Variants in ADCY9 observed in about 807,000 individuals in gnomAD.
ADCY9 encodes the protein adenylate cyclase type 9.
ADCY9 carries 50 observed loss-of-function variants against 101.5 expected under a neutral mutation model. That is an observed-to-expected ratio of 0.49 (90% confidence interval 0.39 to 0.62). The LOEUF is 0.62. Ranked by LOEUF, ADCY9 falls within the 20% of genes least tolerant of loss-of-function variation. ADCY9 has a pLI of 0.00. For missense variants in ADCY9, 1,662 were observed against 1,800.4 expected, an observed-to-expected ratio of 0.92 and a Z score of 1.39; for synonymous variants, 905 against 769.3, an observed-to-expected ratio of 1.18 and a Z score of -2.92.
chr16:4,032,328 G>C lies in ADCY9; in HGVS notation c.1694-24770C>G, dbSNP rs183464102. Among the ~76,000 whole-genome samples the C allele has an allele frequency of 5.6e-3, 856 of 151,850 alleles. 12 individuals are homozygous for C. The highest frequency in any genetic ancestry group is 0.02 in the African/African-American group (812 of 41,444). The stretch of plus-strand genomic sequence containing the variant: ...AGAACGAAAGAAAGAAAACCAAGAA[G>C]AGCAGAGACGGGACCACCAGGAATG... On this transcript the variant is annotated intron_variant, in intron 2 of 10. Transcript: ENST00000294016.
chr16:4,098,293 T>C (rs1447792710), intron 2 of ADCY9, among the ~76,000 whole-genome samples: 3 of 151,882 alleles, frequency 2.0e-5, no homozygotes, highest in Non-Finnish European at 4.4e-5. Flanking sequence ...CAGGCTGGAA[T>C]GTAGTGGTGC....
chr16:3,973,134 G>C (rs1333030825), intron 10 of ADCY9, among the ~76,000 whole-genome samples: 1 of 152,092 alleles, frequency 6.6e-6, no homozygotes. Context: ...TTTAACAGTT[G>C]TATTATTTGA....
chr16:3,966,345 G>T lies in ADCY9; in HGVS notation c.3492C>A (p.Arg1164=). 6.2e-7 allele frequency: 1 copy of T among 1,613,982 alleles called. No homozygotes were observed. The highest frequency in any genetic ancestry group is 2.2e-5 in the East Asian group (1 of 44,880). The part of the protein sequence containing the change: ...NNMLWFNFKL[R]VGFNHGPLTA... ...TGAGGGGCCCATGGTTGAAGCCGAC[G>T]CGGAGCTTGAAGTTGAACCACAGCA... The change falls in exon 11 of 11, where the codon CGC becomes CGA. Residue 1164 remains arginine (R), a synonymous_variant. Transcript: ENST00000294016.
Position 4,115,194 on chromosome 16 carries a change from G to A in ADCY9, c.249C>T (p.Phe83=). ...CCCACCAGCGGCTGGAGGCCCTCTC[G>A]AACAGCTGGGGCAGCTTCTTCTGCC... ...LRRQKKLPQL[F]ERASSRWWDP... Residue 83 remains phenylalanine, a synonymous_variant, in exon 2 of 11, where the codon TTC becomes TTT. Coordinates refer to ENST00000294016, the MANE Select transcript of ADCY9 (RefSeq NM_001116.4). This position sits in a 1 kb window ranked among gnomAD's most constrained non-coding sequence, Gnocchi z 6.2. 9 of 1,613,634 alleles carry A rather than the reference G, an allele frequency of 5.6e-6. No individual in the cohort carries two copies. The highest frequency in any genetic ancestry group is 1.1e-5 in the South Asian group (1 of 91,078).
chr16:4,115,340 T>A lies in ADCY9; in HGVS notation c.103A>T (p.Lys35Ter). 6.2e-7 allele frequency: 1 copy of A among 1,613,274 alleles called. No homozygotes were observed. Among genetic ancestry groups the A allele is most frequent in the South Asian group, 1.1e-5 (1 of 90,970 alleles). Residue 35 changes from lysine to a stop codon, truncating the protein, a stop_gained, in exon 2 of 11, where the codon AAG becomes TAG. Transcript: ENST00000294016. LOFTEE classifies it high-confidence loss of function. This position sits in a 1 kb window ranked among gnomAD's most constrained non-coding sequence, Gnocchi z 6.2. ...SNSVRVKINPKQLSSNSHPKH... is the reference protein window; with the variant it reads ...SNSVRVKINP ...GGGTGGCTGTTGGAGGACAGCTGCT[T>A]GGGGTTGATCTTGACGCGCACGCTG...
chr16:4,024,989 G>T (rs1035882508), intron 2 of ADCY9, among the ~76,000 whole-genome samples: 1 of 151,978 alleles, frequency 6.6e-6, no homozygotes, highest in Non-Finnish European at 1.5e-5. Flanking sequence ...AGGTGGGGAG[G>T]CCTGGGAAGC....
intron 2 of ADCY9, among the ~76,000 whole-genome samples, chr16:4,070,067 C>T (rs2056824099): frequency 6.6e-6 from 1 of 152,096 alleles, no homozygotes. Context: ...TACTGCACTC[C>T]AGCCTCGGCA....
chr16:4,018,805 A>G (rs905115862), intron 2 of ADCY9, among the ~76,000 whole-genome samples: 1 of 152,162 alleles, frequency 6.6e-6, no homozygotes, highest in African/African-American at 2.4e-5. Context: ...TGTTCGAGTC[A>G]TCTAACGGAG....
At chr16:4,076,338 G>A (rs1265816139) in intron 2 of ADCY9, among the ~76,000 whole-genome samples, 1 of 152,180 alleles carries the variant, frequency 6.6e-6, no homozygotes, top group East Asian at 1.9e-4. Context: ...CAGGACTGAT[G>A]GTGGCAAATC....
intron 2 of ADCY9, among the ~76,000 whole-genome samples, chr16:4,051,352 C>T (rs1002693779): frequency 6.6e-6 from 1 of 151,884 alleles, no homozygotes; most frequent in Admixed American, 6.6e-5. Context: ...AGTGAAACCC[C>T]GTCTCTACTA....
chr16:4,072,539 C>G (rs1456705238), intron 2 of ADCY9, among the ~76,000 whole-genome samples: 1 of 152,108 alleles, frequency 6.6e-6, no homozygotes, highest in Non-Finnish European at 1.5e-5. Flanking sequence ...CGCTGCAGCC[C>G]CAGTTCACAG....
intron 2 of ADCY9, among the ~76,000 whole-genome samples, chr16:4,095,800 A>T (rs1207690166): frequency 3.3e-5 from 5 of 151,876 alleles, no homozygotes; most frequent in Non-Finnish European, 5.9e-5. Context: ...AACATGATGA[A>T]ACCCCATCTC....
In ADCY9 at chr16:3,977,466, A is replaced by T; in HGVS notation, c.2828+16T>A. On this transcript the variant is annotated intron_variant, in intron 9 of 10. Transcript: ENST00000294016. ...GCCACGCACCCTGGTGCCCGCAAGC[A>T]GTGCTGGCCGCGTACCTGTCTGGGC... 6.5e-7 allele frequency: 1 copy of T among 1,547,790 alleles called. No individual in the cohort carries two copies. The highest frequency in any genetic ancestry group is 8.7e-7 in the Non-Finnish European group (1 of 1,144,360).
chr16:4,106,757 T>C (rs933131189), intron 2 of ADCY9, among the ~76,000 whole-genome samples: 1 of 152,152 alleles, frequency 6.6e-6, no homozygotes, highest in Admixed American at 6.5e-5. Context: ...CATGGACAGA[T>C]TAATGTGGGT....
At chr16:4,022,649 C>A (rs1224094041) in intron 2 of ADCY9, among the ~76,000 whole-genome samples, 5 of 151,768 alleles carry the variant, frequency 3.3e-5, no homozygotes, top group Non-Finnish European at 7.4e-5. Flanking sequence ...AGAAAATAGG[C>A]CAGAGCCAGT....
Position 3,965,836 on chromosome 16 carries a change from TCA to T in ADCY9, c.3999_4000del (p.Cys1333Ter). The T allele has an allele frequency of 1.7e-5, 28 of 1,614,174 alleles. No homozygotes were observed. Among genetic ancestry groups the T allele is most frequent in the Non-Finnish European group, 2.4e-5 (28 of 1,180,040 alleles). On this transcript the variant is annotated stop_gained and frameshift_variant, in exon 11 of 11. Coordinates refer to ENST00000294016, the MANE Select transcript of ADCY9 (RefSeq NM_001116.4). LOFTEE classifies it high-confidence loss of function. Reference sequence around the variant, plus strand: ...GTTGGCTTCTTCTATTCCTGTTTCGTCACAGTCGTCTTTCTCTATGGCTTTGC... The same window carrying T: ...GTTGGCTTCTTCTATTCCTGTTTCGTCAGTCGTCTTTCTCTATGGCTTTGC...
In ADCY9 at chr16:4,051,646, C is replaced by T. The variant is rs145436758; in HGVS notation, c.1694-44088G>A. Reference sequence around the variant, plus strand: ...GCCAAATCTGGGACAATCTGGGTATCGAAGCAAATGATAATGGTAATGAAT... The same window carrying T: ...GCCAAATCTGGGACAATCTGGGTATTGAAGCAAATGATAATGGTAATGAAT... On this transcript the variant is annotated intron_variant, in intron 2 of 10. Transcript: ENST00000294016. Among the ~76,000 whole-genome samples the T allele has an allele frequency of 3.9e-5, 6 of 152,098 alleles. No homozygotes were observed. The East Asian group carries it at 1.2e-3, about 29-fold the overall frequency.
intron 2 of ADCY9, among the ~76,000 whole-genome samples, chr16:4,077,060 AG>A (rs752652661): frequency 7.6e-4 from 107 of 140,348 alleles, no homozygotes; most frequent in Non-Finnish European, 1.2e-3. Context: ...CTGGGGGACA[AG>A]GTTGAGACTT....
intron 5 of ADCY9, among the ~76,000 whole-genome samples, chr16:3,954,757 G>A (rs1027192940): frequency 2.6e-5 from 4 of 152,152 alleles, no homozygotes; most frequent in Admixed American, 1.3e-4. Flanking sequence ...GGAGCTCTTG[G>A]CAGAGCCATC....
Sources: gnomAD v4.1 joint callset for allele counts (sites outside exome capture counted in the v4.1 genomes callset) on GRCh38, gnomAD v4.1.1 for gene constraint, Gnocchi (gnomAD v3.1) non-coding constraint, MANE v1.5 for transcripts, NCBI Gene and HGNC (gene_info 2026-07-23, HGNC 2026-07-21) for gene names.